The following TEX11 variants were observed in gnomAD, a reference collection of about 807,000 sequenced individuals.
TEX11 encodes the protein testis expressed 11, also known as testis-expressed protein 11.
TEX11 carries 7 observed loss-of-function variants against 84.4 expected under a neutral mutation model. That is an observed-to-expected ratio of 0.08 (90% confidence interval 0.05 to 0.16). The LOEUF (loss-of-function observed/expected upper bound fraction) is 0.16. TEX11 is among the 10% of genes least tolerant of loss of function. The probability of loss-of-function intolerance (pLI) is 1.00; values close to 1 mark genes in which losing one functional copy is unlikely to be tolerated. For synonymous variants in TEX11, 264 were observed against 222.8 expected, an observed-to-expected ratio of 1.18 and a Z score of -1.64; for missense variants, 551 against 660.5, an observed-to-expected ratio of 0.83 and a Z score of 1.82.
chrX:70,832,808 C>CA (rs1282972492), intron 8 of TEX11, among the ~76,000 whole-genome samples: 2 of 111,940 alleles, frequency 1.8e-5, no homozygotes, highest in African/African-American at 6.5e-5. Context: ...CTCACATCTC[C>CA]AAATCCCAGT....
intron 15 of TEX11, among the ~76,000 whole-genome samples, chrX:70,676,427 T>G (rs2090072099): frequency 8.9e-6 from 1 of 112,482 alleles, no homozygotes; most frequent in Non-Finnish European, 1.9e-5. Flanking sequence ...GCTGCTCCAC[T>G]GAGTTCTTGC....
intron 9 of TEX11, among the ~76,000 whole-genome samples, chrX:70,787,505 A>G (rs1452555937): frequency 9.1e-6 from 1 of 110,496 alleles, no homozygotes; most frequent in Non-Finnish European, 1.9e-5. Flanking sequence ...TAATTTTTGT[A>G]CTTTTACTAG....
At chrX:70,788,967 TATATATAGAGAGAGAGAG>T (rs1376866459) in intron 9 of TEX11, among the ~76,000 whole-genome samples, 278 of 31,867 alleles carry the variant, frequency 8.7e-3, no homozygotes, top group Non-Finnish European at 0.011. Context: ...TATATATATA[TATATATAGAGAGAGAGAG>T]AGAGAGAGAG....
chrX:70,894,655 C>G (rs2091757952), intron 2 of TEX11, among the ~76,000 whole-genome samples: 1 of 110,569 alleles, frequency 9.0e-6, no homozygotes, highest in Admixed American at 9.7e-5. Context: ...CAAACCAAAT[C>G]CAGCAGCACA....
chrX:70,514,586 C>T, the TEX11 span, among the ~76,000 whole-genome samples: 5 of 76,477 alleles, frequency 6.5e-5, no homozygotes, highest in Non-Finnish European at 1.2e-4. Flanking sequence ...AGAGCCGAGA[C>T]TCCATCTAAA....
chrX:70,609,450 G>A (rs1175046912), intron 21 of TEX11, among the ~76,000 whole-genome samples: 2 of 112,156 alleles, frequency 1.8e-5, no homozygotes, highest in Non-Finnish European at 3.8e-5. Flanking sequence ...GAGGTAGAAA[G>A]ATATGATTTA....
intron 9 of TEX11, among the ~76,000 whole-genome samples, chrX:70,784,322 C>T (rs918933864): frequency 1.8e-5 from 2 of 111,263 alleles, no homozygotes; most frequent in Non-Finnish European, 3.8e-5. Flanking sequence ...ATTGATGGAA[C>T]GTATCTCAAA....
chrX:70,858,444 GA>G (rs112685365), intron 5 of TEX11, among the ~76,000 whole-genome samples: 16,794 of 72,378 alleles, frequency 0.23, 2,163 homozygotes, highest in East Asian at 0.47. Context: ...TCCATCTCAA[GA>G]AAAAAAAAAA....
At chrX:70,522,022 C>A in the TEX11 span, among the ~76,000 whole-genome samples, 10 of 111,117 alleles carry the variant, frequency 9.0e-5, no homozygotes, top group Non-Finnish European at 1.7e-4. Context: ...CAACACCTGG[C>A]TAAGTTTTGT....
At chrX:70,853,625 T>G (rs1188185963) in intron 5 of TEX11, among the ~76,000 whole-genome samples, 2 of 112,647 alleles carry the variant, frequency 1.8e-5, no homozygotes, top group African/African-American at 3.2e-5. Flanking sequence ...GAGAAAGTTC[T>G]GAAAACTTAA....
rs761054095 is a variant in TEX11 at position 70,875,641 on chromosome X, T to G, written c.160-2334A>C. ...GGTGCACACCTGTAGTCTCAGCTACTCGGGAGGCTGAGGCAGAAGAATCAC... is the reference window on the plus strand; with the variant it reads ...GGTGCACACCTGTAGTCTCAGCTACGCGGGAGGCTGAGGCAGAAGAATCAC... On this transcript the variant is annotated intron_variant, in intron 3 of 29. Coordinates refer to ENST00000374333, the MANE Select transcript of TEX11 (RefSeq NM_031276.3). Among the ~76,000 whole-genome samples the G allele has an allele frequency of 1.8e-4, 19 of 107,983 alleles. No individual in the cohort carries two copies. The East Asian group carries it at 4.1e-3, about 23-fold the overall frequency. 93.8% of individuals were successfully genotyped at this position (107,983 alleles called of 115,157 possible).
the TEX11 span, among the ~76,000 whole-genome samples, chrX:70,511,304 TTC>T: frequency 8.9e-6 from 1 of 112,758 alleles, no homozygotes; most frequent in Non-Finnish European, 1.9e-5. Flanking sequence ...CTGTCAATTA[TTC>T]TCTCCATGTG....
At chrX:70,739,120 T>A (rs960214420) in intron 11 of TEX11, among the ~76,000 whole-genome samples, 17 of 111,554 alleles carry the variant, frequency 1.5e-4, no homozygotes, top group Non-Finnish European at 1.7e-4. Context: ...AAGTAAAATT[T>A]AAAAAAAGAA....
chrX:70,803,988 C>A (rs1229269816), intron 9 of TEX11, among the ~76,000 whole-genome samples: 1 of 108,314 alleles, frequency 9.2e-6, no homozygotes, highest in Non-Finnish European at 1.9e-5. Flanking sequence ...TACAAAAAAA[C>A]AATGTTTTTT....
chrX:70,687,318 T>A (rs1028175418), intron 13 of TEX11, among the ~76,000 whole-genome samples: 2 of 112,127 alleles, frequency 1.8e-5, no homozygotes, highest in African/African-American at 6.5e-5. Flanking sequence ...CATTACAGTT[T>A]AAAACTTAAC....
intron 7 of TEX11, among the ~76,000 whole-genome samples, chrX:70,840,508 C>T (rs1253707404): frequency 8.9e-6 from 1 of 111,990 alleles, no homozygotes. Flanking sequence ...ACAACTGGTA[C>T]CAGCCACTGC....
intron 16 of TEX11, among the ~76,000 whole-genome samples, chrX:70,667,205 C>T (rs2089983431): frequency 1.8e-5 from 2 of 112,269 alleles, no homozygotes; most frequent in African/African-American, 6.5e-5. Context: ...TACATACTGT[C>T]TATGGCTATT....
Position 70,534,023 on chromosome X carries a change from CAGAGGTTGCAGTGAGCCG to C in TEX11, c.2521-4042_2521-4025del, listed in dbSNP as rs1386273262. Among the ~76,000 whole-genome samples the C allele has an allele frequency of 4.3e-5, 4 of 92,771 alleles. No individual in the cohort carries two copies. In the Admixed American group the frequency reaches 4.4e-4, roughly 10 times the overall value. The allele number at this position is 92,771 out of a possible 115,157, so 80.6% of individuals were successfully genotyped here. ...AGGGGAATCGCTTGAACCTGGGAGG[CAGAGGTTGCAGTGAGCCG>C]AGATTGCACCACTGCACTCCAGCCT... On this transcript the variant is annotated intron_variant, in intron 28 of 29. Coordinates refer to ENST00000374333, the MANE Select transcript of TEX11 (RefSeq NM_031276.3).
intron 9 of TEX11, among the ~76,000 whole-genome samples, chrX:70,770,851 A>C (rs1360157491): frequency 1.8e-5 from 2 of 111,528 alleles, no homozygotes; most frequent in Non-Finnish European, 3.8e-5. Flanking sequence ...AGTTTTATAC[A>C]GGCAGAAAAG....
Sources: allele counts gnomAD v4.1 joint callset (sites outside exome capture counted in the v4.1 genomes callset), GRCh38; gene constraint gnomAD v4.1.1; transcripts MANE v1.5; gene names NCBI Gene and HGNC (gene_info 2026-07-23, HGNC 2026-07-21).